The following DOCK3 variants were observed in gnomAD, a reference collection of about 807,000 sequenced individuals.
DOCK3 encodes dedicator of cytokinesis protein 3.
A neutral mutation model predicts 265.6 loss-of-function variants in DOCK3; 60 were observed. That is an observed-to-expected ratio of 0.23 (90% confidence interval 0.18 to 0.28). The LOEUF is 0.28. Ranked by LOEUF, DOCK3 falls within the 10% of genes least tolerant of loss-of-function variation. The pLI, the probability that DOCK3 is intolerant of heterozygous loss-of-function variation, is 1.00. For synonymous variants in DOCK3, 881 were observed against 938.0 expected, an observed-to-expected ratio of 0.94 and a Z score of 1.11; for missense variants, 1,981 against 2,594.3, an observed-to-expected ratio of 0.76 and a Z score of 5.14.
At chr3:51,291,845 T>G (rs1299107749) in intron 27 of DOCK3, among the ~76,000 whole-genome samples, 1 of 152,150 alleles carries the variant, frequency 6.6e-6, no homozygotes, top group Non-Finnish European at 1.5e-5. Flanking sequence ...GCAAAAGTCC[T>G]CAACAAAAGA....
At chr3:51,139,955 A>G (rs1197275596) in intron 9 of DOCK3, among the ~76,000 whole-genome samples, 1 of 152,226 alleles carries the variant, frequency 6.6e-6, no homozygotes, top group African/African-American at 2.4e-5. Context: ...AGAAAGGCTC[A>G]TGTGAGATGA....
intron 21 of DOCK3, among the ~76,000 whole-genome samples, chr3:51,238,492 G>C (rs1283222763): frequency 6.6e-6 from 1 of 151,988 alleles, no homozygotes; most frequent in Non-Finnish European, 1.5e-5. Flanking sequence ...GGGTACATGT[G>C]CAGGTTTGTT....
At chr3:51,106,870 C>G (rs2083302718) in intron 9 of DOCK3, among the ~76,000 whole-genome samples, 1 of 152,242 alleles carries the variant, frequency 6.6e-6, no homozygotes, top group Admixed American at 6.5e-5. Flanking sequence ...CAAGTGTGCT[C>G]CCCACTGCAT....
chr3:51,049,100 C>T (rs1335798446), intron 5 of DOCK3, among the ~76,000 whole-genome samples: 1 of 152,122 alleles, frequency 6.6e-6, no homozygotes, highest in Non-Finnish European at 1.5e-5. Flanking sequence ...GCCAGGCAGG[C>T]AGATTCCTTG....
At chr3:51,269,468 G>T (rs2108861036) in intron 23 of DOCK3, among the ~76,000 whole-genome samples, 1 of 152,070 alleles carries the variant, frequency 6.6e-6, no homozygotes, top group East Asian at 1.9e-4. Flanking sequence ...GATATTCCAG[G>T]GAGTTATAAA....
At chr3:51,239,887 C>CA (rs1398837508) in intron 21 of DOCK3, among the ~76,000 whole-genome samples, 4 of 151,672 alleles carry the variant, frequency 2.6e-5, no homozygotes, top group African/African-American at 7.3e-5. Flanking sequence ...TAATTGTTTT[C>CA]AAAAAATCAT....
rs1399056611 is a variant in DOCK3 at position 50,886,208 on chromosome 3, A to ATATATATATATATATATATATG, written c.163-3817_163-3816insATATATATATATATATATATGT. Among the ~76,000 whole-genome samples the ATATATATATATATATATATATG allele has an allele frequency of 5.3e-4, 73 of 136,880 alleles. 2 individuals are homozygous for ATATATATATATATATATATATG. Among genetic ancestry groups the ATATATATATATATATATATATG allele is most frequent in the East Asian group, 1.0e-3 (5 of 4,876 alleles). 89.8% of individuals were successfully genotyped at this position (136,880 alleles called of 152,430 possible). ...TGGAGATATATATATATATATATAT[A>ATATATATATATATATATATATG]TTCCAGAGTTTTTAGGTATGCACTA... On this transcript the variant is annotated intron_variant, in intron 3 of 52. Transcript: ENST00000266037.
At chr3:50,893,416 T>A (rs369536217) in intron 4 of DOCK3, among the ~76,000 whole-genome samples, 7 of 151,730 alleles carry the variant, frequency 4.6e-5, no homozygotes, top group East Asian at 3.9e-4. Context: ...AACAAAGAGA[T>A]AGAAACCATA....
At chr3:51,171,728 A>G (rs2086693012) in intron 12 of DOCK3, among the ~76,000 whole-genome samples, 1 of 151,932 alleles carries the variant, frequency 6.6e-6, no homozygotes, top group Non-Finnish European at 1.5e-5. Flanking sequence ...AAAAAAAAAA[A>G]AAAAGACTTG....
chr3:50,923,924 T>C (rs897087883), intron 4 of DOCK3, among the ~76,000 whole-genome samples: 1 of 152,208 alleles, frequency 6.6e-6, no homozygotes, highest in Admixed American at 6.5e-5. Flanking sequence ...TTCTTCCTAC[T>C]CTGTTGTATA....
intron 2 of DOCK3, among the ~76,000 whole-genome samples, chr3:50,788,921 GA>G (rs772188393): frequency 2.4e-4 from 37 of 152,328 alleles, no homozygotes; most frequent in Non-Finnish European, 4.0e-4. Flanking sequence ...TTCAAAGAAC[GA>G]GGTTTTTGTT....
intron 27 of DOCK3, among the ~76,000 whole-genome samples, chr3:51,283,607 C>CAA (rs2081254281): frequency 6.6e-6 from 1 of 152,138 alleles, no homozygotes; most frequent in African/African-American, 2.4e-5. Flanking sequence ...AAGGAGCAGA[C>CAA]AAGTAGTAGC....
intron 1 of DOCK3, among the ~76,000 whole-genome samples, chr3:50,698,611 C>T (rs2035827881): frequency 7.6e-6 from 1 of 131,454 alleles, no homozygotes; most frequent in African/African-American, 2.8e-5. Flanking sequence ...AACTGTTATA[C>T]CTTTTTCAGT....
intron 38 of DOCK3, among the ~76,000 whole-genome samples, chr3:51,345,421 G>A (rs190772026): frequency 3.2e-4 from 48 of 152,254 alleles, no homozygotes; most frequent in Non-Finnish European, 4.0e-4. Flanking sequence ...GACCAGCCGA[G>A]GTAACATAGC....
intron 5 of DOCK3, among the ~76,000 whole-genome samples, chr3:51,007,932 A>G (rs2078755530): frequency 6.6e-6 from 1 of 152,162 alleles, no homozygotes; most frequent in African/African-American, 2.4e-5. Flanking sequence ...AGATGATTAT[A>G]GATGTGTGGT....
At chr3:50,951,564 C>A (rs2076593315) in intron 5 of DOCK3, among the ~76,000 whole-genome samples, 1 of 152,164 alleles carries the variant, frequency 6.6e-6, no homozygotes, top group African/African-American at 2.4e-5. Context: ...GATTCATCTA[C>A]ATCAGTGGAA....
At chr3:50,941,955 C>G (rs2076308322) in intron 5 of DOCK3, among the ~76,000 whole-genome samples, 1 of 152,022 alleles carries the variant, frequency 6.6e-6, no homozygotes, top group Non-Finnish European at 1.5e-5. Flanking sequence ...ATGGTGATGG[C>G]ACAGTTCTGA....
At chr3:51,349,429 T>A (rs2085819508) in intron 39 of DOCK3, among the ~76,000 whole-genome samples, 1 of 152,232 alleles carries the variant, frequency 6.6e-6, no homozygotes, top group Non-Finnish European at 1.5e-5. Flanking sequence ...TGCTCGGTTC[T>A]GAATCATAAT....
chr3:50,680,177 TTTTA>T, intron 1 of DOCK3, among the ~76,000 whole-genome samples: 1 of 152,162 alleles, frequency 6.6e-6, no homozygotes, highest in East Asian at 1.9e-4. Context: ...ATTTAAGGAA[TTTTA>T]TTTCTGTATT....
Sources: allele counts gnomAD v4.1 joint callset (sites outside exome capture counted in the v4.1 genomes callset), GRCh38; gene constraint gnomAD v4.1.1; transcripts MANE v1.5; gene names NCBI Gene and HGNC (gene_info 2026-07-23, HGNC 2026-07-21).